NMNAT2: variants seen among roughly 807,000 people sequenced by gnomAD.
NMNAT2 encodes the protein nicotinamide/nicotinic acid mononucleotide adenylyltransferase 2.
A neutral mutation model predicts 41.6 loss-of-function variants in NMNAT2; 11 were observed. The observed-to-expected ratio is 0.26, with a 90% CI of 0.17 to 0.44. NMNAT2 has a LOEUF of 0.44. Ranked by LOEUF, NMNAT2 falls within the 20% of genes least tolerant of loss-of-function variation. NMNAT2 has a pLI of 1.00. For synonymous variants in NMNAT2, 148 were observed against 151.2 expected (o/e 0.98, Z 0.16); for missense variants, 288 against 407.7 (o/e 0.71, Z 2.53).
chr1:183,376,395 G>A (rs527966310), intron 1 of NMNAT2, among the ~76,000 whole-genome samples: 7 of 152,318 alleles, frequency 4.6e-5, no homozygotes, highest in Admixed American at 3.9e-4. Context: ...AGTGATGGCT[G>A]AGTGCTTGTG....
chr1:183,292,186 A>G (rs926534722), intron 3 of NMNAT2, among the ~76,000 whole-genome samples: 2 of 152,248 alleles, frequency 1.3e-5, no homozygotes, highest in African/African-American at 4.8e-5. Flanking sequence ...CATTAGCATA[A>G]TTAGTGGAAG....
intron 1 of NMNAT2, among the ~76,000 whole-genome samples, chr1:183,389,103 G>A (rs1648355916): frequency 6.6e-6 from 1 of 152,118 alleles, no homozygotes; most frequent in Non-Finnish European, 1.5e-5. Flanking sequence ...TCTTCATCAG[G>A]TATCTCTGTC....
At chr1:183,258,345 C>A (rs527936790) in intron 10 of NMNAT2, among the ~76,000 whole-genome samples, 4 of 152,174 alleles carry the variant, frequency 2.6e-5, no homozygotes, top group Non-Finnish European at 5.9e-5. Context: ...AGCTCACTGC[C>A]TTTCAATGCA....
chr1:183,262,307 G>A (rs74875633), intron 8 of NMNAT2, among the ~76,000 whole-genome samples: 21 of 143,772 alleles, frequency 1.5e-4, no homozygotes, highest in Non-Finnish European at 1.4e-4. Context: ...AGAGAATCCA[G>A]AAAAAAAAAA....
At chr1:183,314,910 A>T (rs1388195099) in intron 1 of NMNAT2, among the ~76,000 whole-genome samples, 1 of 152,202 alleles carries the variant, frequency 6.6e-6, no homozygotes, top group African/African-American at 2.4e-5. Context: ...ACAAACAACA[A>T]GCAAACAAGC....
chr1:183,327,049 TG>T (rs1437653024), intron 1 of NMNAT2, among the ~76,000 whole-genome samples: 6 of 143,822 alleles, frequency 4.2e-5, no homozygotes, highest in South Asian at 2.4e-4. Context: ...TATGTATGTA[TG>T]TATGTATGTA....
intron 3 of NMNAT2, among the ~76,000 whole-genome samples, chr1:183,292,257 G>A (rs762556446): frequency 1.3e-5 from 2 of 152,234 alleles, no homozygotes; most frequent in Non-Finnish European, 2.9e-5. Flanking sequence ...CTAGCAGCAC[G>A]TCTGGCCAGA....
intron 1 of NMNAT2, among the ~76,000 whole-genome samples, chr1:183,321,506 C>T (rs538478061): frequency 1.3e-5 from 2 of 152,152 alleles, no homozygotes; most frequent in East Asian, 1.9e-4. Flanking sequence ...TTTGGGAGGC[C>T]GAGGCAGGTG....
At position 183,343,870 on chromosome 1, in the gene NMNAT2, C is replaced by A. The variant is rs1237764342; in HGVS notation, c.86-50077G>T. ...AATAAAAGGCCCTTCAGGATGGGGC[C>A]TCACCTCCCTATCCAGCCTCTTATC... On this transcript the variant is annotated intron_variant, in intron 1 of 10. Transcript: ENST00000287713. Among the ~76,000 whole-genome samples, 4 of 152,174 alleles carry A rather than the reference C, an allele frequency of 2.6e-5. No homozygotes were observed. The East Asian group carries it at 7.7e-4, about 29-fold the overall frequency.
At chr1:183,293,878 T>C (rs1033307624) in intron 1 of NMNAT2, 85 bp from the exon 2 acceptor site, 8 of 918,812 alleles carry the variant, frequency 8.7e-6, no homozygotes, top group Non-Finnish European at 1.1e-5. Flanking sequence ...CTCAGCTCTG[T>C]AATGCTGGGG....
rs1033032812 is a variant in NMNAT2, at chr1:183,251,174, C to T, written c.*1467G>A. 2 of 152,178 alleles carry T rather than the reference C, an allele frequency of 1.3e-5. No individual in the cohort carries two copies. Among genetic ancestry groups the T allele is most frequent in the African/African-American group, 4.8e-5 (2 of 41,438 alleles). 9.4% of individuals were successfully genotyped at this position (152,178 alleles called of 1,614,324 possible). On this transcript the variant is annotated 3_prime_UTR_variant, in exon 11 of 11. Transcript: ENST00000287713. ...TGAAGCAACTTAGTGGCTCCTGACC[C>T]CTCCCAGATCTCCCTTCTGGGAACC...
At chr1:183,401,052 A>G (rs1029643417) in intron 1 of NMNAT2, among the ~76,000 whole-genome samples, 2 of 152,246 alleles carry the variant, frequency 1.3e-5, no homozygotes, top group East Asian at 1.9e-4. Context: ...ACAAAAGCCA[A>G]AATTGACAAA....
At chr1:183,274,753 G>A (rs1436156654) in intron 8 of NMNAT2, among the ~76,000 whole-genome samples, 4 of 149,334 alleles carry the variant, frequency 2.7e-5, no homozygotes, top group Admixed American at 2.7e-4. Flanking sequence ...GCAACATAGT[G>A]AGACCTTGTC....
At chr1:183,284,115 C>A in intron 6 of NMNAT2, 76 bp from the exon 7 acceptor site, 3 of 1,274,532 alleles carry the variant, frequency 2.4e-6, no homozygotes, top group Admixed American at 1.8e-5. Context: ...GCCTGAGGGC[C>A]TCAGCAGGAA....
intron 1 of NMNAT2, among the ~76,000 whole-genome samples, chr1:183,381,490 G>T (rs1663802207): frequency 6.6e-6 from 1 of 152,170 alleles, no homozygotes; most frequent in Non-Finnish European, 1.5e-5. Context: ...GAGGTCAGGA[G>T]TTCAAGACCA....
chr1:183,382,830 C>A (rs1663829999), intron 1 of NMNAT2, among the ~76,000 whole-genome samples: 1 of 152,236 alleles, frequency 6.6e-6, no homozygotes, highest in Non-Finnish European at 1.5e-5. Context: ...GCCTCCTCAG[C>A]TGCTTTCATA....
At chr1:183,301,261 A>G (rs1661843663) in intron 1 of NMNAT2, among the ~76,000 whole-genome samples, 1 of 152,228 alleles carries the variant, frequency 6.6e-6, no homozygotes, top group East Asian at 1.9e-4. Context: ...TGCAGATTAT[A>G]TTTTAAACAG....
At chr1:183,339,013 C>A (rs976711126) in intron 1 of NMNAT2, among the ~76,000 whole-genome samples, 1 of 152,090 alleles carries the variant, frequency 6.6e-6, no homozygotes, top group African/African-American at 2.4e-5. Flanking sequence ...TCCTGCCAGG[C>A]GACCCTGCCC....
intron 1 of NMNAT2, among the ~76,000 whole-genome samples, chr1:183,351,680 C>G (rs552332276): frequency 6.6e-6 from 1 of 152,286 alleles, no homozygotes; most frequent in South Asian, 2.1e-4. Context: ...GATTTCCACA[C>G]TGTTGGCAGC....
Sources: allele counts gnomAD v4.1 joint callset (sites outside exome capture counted in the v4.1 genomes callset), GRCh38; gene constraint gnomAD v4.1.1; transcripts MANE v1.5; gene names NCBI Gene and HGNC (gene_info 2026-07-23, HGNC 2026-07-21).